GOLGA3: variants seen among roughly 807,000 people sequenced by gnomAD.
The protein encoded by GOLGA3 is golgin subfamily A member 3.
In GOLGA3, 75 loss-of-function variants were observed where a neutral mutation model predicts 169.4. That is an observed-to-expected ratio of 0.44 (90% CI 0.37 to 0.54). GOLGA3 has a LOEUF of 0.54. Among genes scored for constraint, GOLGA3 ranks in the 20% least tolerant of loss-of-function variants. The pLI is 0.00. For missense variants in GOLGA3, 1,899 were observed against 1,930.0 expected, an observed-to-expected ratio of 0.98 and a Z score of 0.30; for synonymous variants, 824 against 822.4, an observed-to-expected ratio of 1.00 and a Z score of -0.03.
intron 22 of GOLGA3, 41 bp from the exon 23 acceptor site, chr12:132,774,361 T>G (rs1367619826): frequency 6.2e-7 from 1 of 1,602,962 alleles, no homozygotes; most frequent in African/African-American, 1.3e-5. Flanking sequence ...CACCGTCCCC[T>G]CCCTCGGGTC....
At chr12:132,828,603 C>T (rs908996906) in intron 1 of GOLGA3, 200 bp downstream of exon 1, 6 of 152,352 alleles carry the variant, frequency 3.9e-5, no homozygotes, top group African/African-American at 1.4e-4. Context: ...GCCAGCTCCG[C>T]CGCAGCTGAA....
intron 23 of GOLGA3, 144 bp from the exon 24 acceptor site, chr12:132,773,438 CAGCTGT>C: frequency 2.3e-6 from 1 of 434,376 alleles, no homozygotes; most frequent in Non-Finnish European, 4.0e-6. Context: ...CACAGAAGCT[CAGCTGT>C]TCTCAGCACC....
At position 132,771,502 on chromosome 12, in the gene GOLGA3, G is replaced by A. The variant is rs2044894900; in HGVS notation, c.*1603C>T. 6.6e-6 allele frequency: 1 copy of A among 152,110 alleles called. No homozygotes were observed. The highest frequency in any genetic ancestry group is 6.6e-5 in the Admixed American group (1 of 15,250). 9.4% of individuals were successfully genotyped at this position (152,110 alleles called of 1,614,324 possible). A position where few individuals can be genotyped will look rare whatever the true frequency, so the allele number is the denominator to read the frequency against. The stretch of plus-strand genomic sequence containing the variant: ...GTGTCTGCAGGGTTTCAGGATTTGG[G>A]GTAGGAAACAGAAGATCTCACACAT... On this transcript the variant is annotated 3_prime_UTR_variant, in exon 24 of 24. Transcript: ENST00000450791.
rs2045325611 is a variant in GOLGA3 at position 132,777,715 on chromosome 12, C to G, written c.3673G>C (p.Ala1225Pro). The G allele has an allele frequency of 6.2e-7, 1 of 1,614,126 alleles. No individual in the cohort carries two copies. Among genetic ancestry groups the G allele is most frequent in the South Asian group, 1.1e-5 (1 of 91,074 alleles). The part of the protein sequence containing the change: ...ELSEVKKELQ[A>P]KEHLVQKLQA... Reference sequence around the variant, plus strand: ...AGCTTCTGCACCAGGTGTTCCTTGGCCTGCAGCTCCTTCTTCACCTCACTC... The same window carrying G: ...AGCTTCTGCACCAGGTGTTCCTTGGGCTGCAGCTCCTTCTTCACCTCACTC... The change falls in exon 19 of 24, where the codon GCC becomes CCC. Residue 1225 changes from alanine (A) to proline (P), a missense_variant. By Grantham distance (27) the Ala-to-Pro change is conservative (BLOSUM62 -1). Transcript: ENST00000450791. This position sits in a 1 kb window ranked among gnomAD's most constrained non-coding sequence, Gnocchi z 4.7.
intron 6 of GOLGA3, 46 bp downstream of exon 6, chr12:132,807,131 T>C (rs930672728): frequency 8.4e-7 from 1 of 1,189,516 alleles, no homozygotes. Context: ...CCACACATGC[T>C]TTCCGACTTC....
At chr12:132,780,289 G>A (rs370424702) in intron 18 of GOLGA3, among the ~76,000 whole-genome samples, 1 of 152,176 alleles carries the variant, frequency 6.6e-6, no homozygotes, top group East Asian at 1.9e-4. Context: ...GGCGGAGGTA[G>A]CCAGCAAGCA....
chr12:132,825,503 G>A (rs2136827355), intron 1 of GOLGA3, among the ~76,000 whole-genome samples: 1 of 152,340 alleles, frequency 6.6e-6, no homozygotes, highest in Non-Finnish European at 1.5e-5. Flanking sequence ...TGATTCTGCT[G>A]AGTACATTCC....
intron 12 of GOLGA3, 29 bp from the exon 13 acceptor site, chr12:132,789,319 G>C (rs542353675): frequency 4.5e-6 from 7 of 1,540,502 alleles, no homozygotes; most frequent in Non-Finnish European, 6.1e-6. Flanking sequence ...GTGAGCGGAC[G>C]CTGGGCGGCG....
intron 13 of GOLGA3, among the ~76,000 whole-genome samples, chr12:132,788,291 G>C (rs1430678331): frequency 6.6e-6 from 1 of 152,138 alleles, no homozygotes; most frequent in Non-Finnish European, 1.5e-5. Flanking sequence ...GGTCCTCTCC[G>C]GCAACTTCAG....
intron 1 of GOLGA3, among the ~76,000 whole-genome samples, chr12:132,825,159 C>T (rs188848918): frequency 3.9e-4 from 59 of 152,254 alleles, no homozygotes; most frequent in African/African-American, 1.4e-3. Flanking sequence ...TTCTGCCTTG[C>T]GGGGGTGGGG....
At chr12:132,783,779 T>C in intron 16 of GOLGA3, 2 of 559,410 alleles carry the variant, frequency 3.6e-6, no homozygotes, top group Non-Finnish European at 5.5e-6. Flanking sequence ...GGTTTCACCA[T>C]GTCGGCCAGG....
At chr12:132,775,768 T>C (rs2045191964) in intron 21 of GOLGA3, among the ~76,000 whole-genome samples, 1 of 152,194 alleles carries the variant, frequency 6.6e-6, no homozygotes. Flanking sequence ...ATAAATAAAT[T>C]CTCACTGTAA....
chr12:132,816,997 G>T (rs1405373323), intron 2 of GOLGA3, among the ~76,000 whole-genome samples, 185 bp from the exon 3 acceptor site: 1 of 152,082 alleles, frequency 6.6e-6, no homozygotes, highest in Non-Finnish European at 1.5e-5. Flanking sequence ...GGGGTGGCCA[G>T]GATAAGGCCC....
chr12:132,825,968 CGA>C (rs1950396126), intron 1 of GOLGA3: 1 of 989,420 alleles, frequency 1.0e-6, no homozygotes, highest in African/African-American at 1.6e-5. Flanking sequence ...TGTCATCCGC[CGA>C]GACTACCTGC....
chr12:132,797,016 A>C (rs994408227), intron 9 of GOLGA3, among the ~76,000 whole-genome samples: 5 of 152,232 alleles, frequency 3.3e-5, no homozygotes, highest in Admixed American at 6.5e-5. Context: ...ACATGCTCTC[A>C]CAAGAGCGGT....
intron 17 of GOLGA3, among the ~76,000 whole-genome samples, chr12:132,781,455 A>G (rs1221040639): frequency 4.6e-5 from 7 of 152,210 alleles, no homozygotes; most frequent in Middle Eastern, 3.4e-3. Context: ...GCTATACCAG[A>G]GGCTGAGGCA....
intron 11 of GOLGA3, 85 bp from the exon 12 acceptor site, chr12:132,791,378 G>A: frequency 8.3e-6 from 6 of 718,998 alleles, no homozygotes; most frequent in Non-Finnish European, 1.4e-5. Flanking sequence ...AAGCCTCCAG[G>A]AGGGGAACAC....
At chr12:132,780,400 A>AG (rs1475784009) in intron 18 of GOLGA3, among the ~76,000 whole-genome samples, 1 of 152,194 alleles carries the variant, frequency 6.6e-6, no homozygotes, top group Non-Finnish European at 1.5e-5. Flanking sequence ...CACCTGAAGC[A>AG]GGGCAGGGGC....
At chr12:132,787,094 C>G (rs1332850915) in intron 13 of GOLGA3, among the ~76,000 whole-genome samples, 1 of 152,076 alleles carries the variant, frequency 6.6e-6, no homozygotes, top group Admixed American at 6.5e-5. Flanking sequence ...GCTGGGACTA[C>G]AGGTGCCCGC....
Sources: allele counts gnomAD v4.1 joint callset (sites outside exome capture counted in the v4.1 genomes callset), GRCh38; gene constraint gnomAD v4.1.1; non-coding constraint Gnocchi (gnomAD v3.1); transcripts MANE v1.5; gene names NCBI Gene and HGNC (gene_info 2026-07-23, HGNC 2026-07-21).